The following PPARG variants were observed in gnomAD, a reference collection of about 807,000 sequenced individuals.
The protein encoded by PPARG is peroxisome proliferator-activated receptor gamma.
A neutral mutation model predicts 39.2 loss-of-function variants in PPARG; 17 were observed. The ratio of observed to expected loss-of-function variants is 0.43; its 90% CI spans 0.30 to 0.65. The LOEUF is 0.65. Ranked by LOEUF, PPARG falls within the 30% of genes least tolerant of loss-of-function variation. The probability of loss-of-function intolerance (pLI) is 0.13; values close to 1 mark genes in which losing one functional copy is unlikely to be tolerated. For synonymous variants in PPARG, 223 were observed against 215.7 expected (o/e 1.03, Z -0.30); for missense variants, 406 against 585.9 (o/e 0.69, Z 3.17).
Position 12,292,372 on chromosome 3 carries a change from C to T in PPARG, c.-83+3238C>T, listed in dbSNP as rs370157089. Among the ~76,000 whole-genome samples the T allele has an allele frequency of 2.6e-5, 4 of 152,076 alleles. No homozygotes were observed. In the East Asian group the frequency reaches 5.8e-4, roughly 22 times the overall value. ...TATGGCACACCTTGTGAATTCTTAA[C>T]GTATATTCCCCAGGAGCAAGTTCGT... On this transcript the variant is annotated intron_variant, in intron 1 of 7. Transcript: ENST00000651735.
At chr3:12,296,187 G>C (rs1429296673) in intron 1 of PPARG, among the ~76,000 whole-genome samples, 1 of 147,622 alleles carries the variant, frequency 6.8e-6, no homozygotes, top group Non-Finnish European at 1.5e-5. Flanking sequence ...GGTAGGTGGA[G>C]GTTGCAGTGA....
intron 1 of PPARG, among the ~76,000 whole-genome samples, chr3:12,298,414 C>T (rs1460412611): frequency 6.6e-6 from 1 of 150,686 alleles, no homozygotes; most frequent in Non-Finnish European, 1.5e-5. Context: ...CACACACACA[C>T]ACACACACAC....
At chr3:12,334,206 T>C (rs2047944664) in intron 2 of PPARG, among the ~76,000 whole-genome samples, 1 of 152,012 alleles carries the variant, frequency 6.6e-6, no homozygotes, top group Non-Finnish European at 1.5e-5. Flanking sequence ...TTGACTTGGC[T>C]TAAATTTTAT....
intron 7 of PPARG, among the ~76,000 whole-genome samples, chr3:12,418,898 A>G (rs899774992): frequency 6.6e-6 from 1 of 152,132 alleles, no homozygotes; most frequent in African/African-American, 2.4e-5. Flanking sequence ...TTCACTTTAA[A>G]ATAACTACTT....
At chr3:12,364,657 A>G (rs957187691) in intron 2 of PPARG, among the ~76,000 whole-genome samples, 5 of 152,234 alleles carry the variant, frequency 3.3e-5, no homozygotes, top group African/African-American at 1.2e-4. Context: ...TGTACCATTC[A>G]TCAGCAACGA....
intron 2 of PPARG, among the ~76,000 whole-genome samples, chr3:12,327,125 G>C (rs1448505548): frequency 6.6e-6 from 1 of 152,158 alleles, no homozygotes; most frequent in Non-Finnish European, 1.5e-5. Flanking sequence ...TAAAATACCA[G>C]AGGTAGAGTG....
chr3:12,370,665 C>T (rs914408794), intron 2 of PPARG, among the ~76,000 whole-genome samples: 8 of 152,282 alleles, frequency 5.3e-5, no homozygotes, highest in South Asian at 2.1e-4. Flanking sequence ...TGTGTATTCT[C>T]GTGAACATTA....
chr3:12,360,920 A>C (rs937649001), intron 2 of PPARG, among the ~76,000 whole-genome samples: 3 of 152,070 alleles, frequency 2.0e-5, no homozygotes, highest in African/African-American at 7.2e-5. Flanking sequence ...GAGCGTATGC[A>C]TTTCTGGTAG....
intron 1 of PPARG, among the ~76,000 whole-genome samples, chr3:12,302,886 A>G (rs946819879): frequency 6.6e-6 from 1 of 152,136 alleles, no homozygotes; most frequent in South Asian, 2.1e-4. Context: ...TACCATGAGG[A>G]GGGCCTGTAA....
chr3:12,328,082 C>G lies in PPARG; in HGVS notation c.-9+15629C>G, dbSNP rs2047744116. On this transcript the variant is annotated intron_variant, in intron 2 of 7. Transcript: ENST00000651735. ...GAGATCATGACTTTGGTAGATGAGA[C>G]TAACATGTATGAAGGTGTAGGAAGA... is the stretch of plus-strand genomic sequence containing the variant. The G allele has an allele frequency of 3.4e-6, 5 of 1,490,320 alleles. No individual in the cohort carries two copies. In the South Asian group the frequency reaches 5.7e-5, roughly 17 times the overall value. The allele number at this position is 1,490,320 out of a possible 1,614,324, so 92.3% of individuals were successfully genotyped here.
intron 1 of PPARG, among the ~76,000 whole-genome samples, chr3:12,302,177 G>A (rs1202788194): frequency 6.6e-6 from 1 of 152,170 alleles, no homozygotes; most frequent in Non-Finnish European, 1.5e-5. Flanking sequence ...GAGAAAGTGG[G>A]AATTGAACTA....
chr3:12,418,232 G>A (rs1271438046), intron 7 of PPARG, among the ~76,000 whole-genome samples: 3 of 152,102 alleles, frequency 2.0e-5, no homozygotes, highest in Non-Finnish European at 4.4e-5. Context: ...GTCTCCCAAA[G>A]CGCTGGGATT....
intron 5 of PPARG, 124 bp downstream of exon 5, chr3:12,392,876 G>T (rs1575106325): frequency 8.4e-7 from 1 of 1,193,406 alleles, no homozygotes. Context: ...TTAGAATATT[G>T]CATGGCGATA....
chr3:12,320,264 G>A (rs1305112215), intron 2 of PPARG, among the ~76,000 whole-genome samples: 1 of 152,172 alleles, frequency 6.6e-6, no homozygotes, highest in African/African-American at 2.4e-5. Flanking sequence ...ATCGCTAGAG[G>A]AATGTGCGTC....
chr3:12,374,665 C>A (rs2049341757), intron 2 of PPARG, among the ~76,000 whole-genome samples: 1 of 152,040 alleles, frequency 6.6e-6, no homozygotes, highest in African/African-American at 2.4e-5. Context: ...TGATGTAAAT[C>A]ATGGACTTTA....
chr3:12,380,080 A>G (rs1040508944), intron 3 of PPARG, 149 bp downstream of exon 3: 11 of 834,656 alleles, frequency 1.3e-5, no homozygotes, highest in Non-Finnish European at 1.8e-5. Flanking sequence ...TCCATGAAAT[A>G]TTAGGTATCT....
chr3:12,316,686 A>G (rs1353748735), intron 2 of PPARG, among the ~76,000 whole-genome samples: 1 of 151,786 alleles, frequency 6.6e-6, no homozygotes, highest in Non-Finnish European at 1.5e-5. Flanking sequence ...TCTAAGGGGA[A>G]TCTCTGCTTA....
chr3:12,375,457 T>G (rs2049373673), intron 2 of PPARG, among the ~76,000 whole-genome samples: 1 of 152,232 alleles, frequency 6.6e-6, no homozygotes, highest in East Asian at 1.9e-4. Context: ...TTAACTCACT[T>G]TGTCAGCCTT....
At chr3:12,399,031 T>C (rs573913449) in intron 5 of PPARG, among the ~76,000 whole-genome samples, 2 of 152,250 alleles carry the variant, frequency 1.3e-5, no homozygotes, top group East Asian at 3.9e-4. Context: ...AGAGGCACAC[T>C]AGAGAAAGAC....
Sources: allele counts gnomAD v4.1 joint callset (sites outside exome capture counted in the v4.1 genomes callset), GRCh38; gene constraint gnomAD v4.1.1; transcripts MANE v1.5; gene names NCBI Gene and HGNC (gene_info 2026-07-23, HGNC 2026-07-21).